PCDHA2: variants seen among roughly 807,000 people sequenced by gnomAD.
The protein encoded by PCDHA2 is protocadherin alpha-2.
PCDHA2 carries 58 observed loss-of-function variants against 66.0 expected under a neutral mutation model. The ratio of observed to expected loss-of-function variants is 0.88; its 90% confidence interval spans 0.71 to 1.09. The LOEUF is 1.09. Among genes scored for constraint, PCDHA2 ranks in the 50% least tolerant of loss-of-function variants. PCDHA2 has a pLI of 0.00. For synonymous variants in PCDHA2, 634 were observed against 554.0 expected (o/e 1.14, Z -2.03); for missense variants, 1,267 against 1,242.3 (o/e 1.02, Z -0.30).
At chr5:140,840,754 G>A (rs1776856171) in intron 1 of PCDHA2, among the ~76,000 whole-genome samples, 1 of 152,010 alleles carries the variant, frequency 6.6e-6, no homozygotes. Flanking sequence ...AAGAACACAA[G>A]AAGATAAAAT....
chr5:140,820,704 A>T (rs2150107710), intron 1 of PCDHA2, among the ~76,000 whole-genome samples: 1 of 152,108 alleles, frequency 6.6e-6, no homozygotes, highest in African/African-American at 2.4e-5. Context: ...TCTTTTCAAC[A>T]TGATTATATT....
rs1554146072 is a variant in PCDHA2 at position 140,852,730 on chromosome 5, T to G, written c.2388+55378T>G. On this transcript the variant is annotated intron_variant, in intron 1 of 3. Coordinates refer to ENST00000526136, the MANE Select transcript of PCDHA2 (RefSeq NM_018905.3). ...TTTGTCTTTGCACGTTTTTCAAGTT[T>G]CATGTGCCATTTAAACTTGGACCCA... 29 of 983,856 alleles carry G rather than the reference T, an allele frequency of 2.9e-5. 3 individuals carry two copies. The highest frequency in any genetic ancestry group is 3.6e-5 in the Non-Finnish European group (29 of 816,252). The allele number at this position is 983,856 out of a possible 1,614,324, so 60.9% of individuals were successfully genotyped here.
In PCDHA2 at chr5:140,937,639, A is replaced by G. The variant is rs140444916; in HGVS notation, c.2389-41310A>G. On this transcript the variant is annotated intron_variant, in intron 1 of 3. Transcript: ENST00000526136. ...CTAAAAAGAAAAAGAAAGGCAGGGC[A>G]TGGTGGCTCACGCCTGTAATCCCAG... is the stretch of plus-strand genomic sequence containing the variant. 9.3e-5 allele frequency among the ~76,000 whole-genome samples: 14 copies of G among 151,094 alleles called. No individual in the cohort carries two copies. In the East Asian group the frequency reaches 1.8e-3, roughly 20 times the overall value.
intron 1 of PCDHA2, chr5:140,856,811 G>A: frequency 3.8e-6 from 6 of 1,594,886 alleles, no homozygotes; most frequent in Non-Finnish European, 5.2e-6. Flanking sequence ...TGAAAATCAA[G>A]TGAACCAAAC....
intron 1 of PCDHA2, chr5:140,967,369 G>A (rs147557274): frequency 2.4e-5 from 38 of 1,607,564 alleles, no homozygotes; most frequent in Non-Finnish European, 2.9e-5. Context: ...AGCCCCTGCA[G>A]GAGAACAGTA....
chr5:140,916,090 G>A (rs1464191226), intron 1 of PCDHA2, among the ~76,000 whole-genome samples: 1 of 152,160 alleles, frequency 6.6e-6, no homozygotes, highest in African/African-American at 2.4e-5. Context: ...TGGTCCACAG[G>A]GAATCTGCCT....
rs1030293372 is a variant in PCDHA2 at position 140,856,468 on chromosome 5, A to C, written c.2388+59116A>C. ...TCTCCGTAACAGAACAAAAGCTCTC[A>C]ATACCTGAATCCAGACTGCTTGACT... On this transcript the variant is annotated intron_variant, in intron 1 of 3. Transcript: ENST00000526136. 2.2e-5 allele frequency: 35 copies of C among 1,597,788 alleles called. 3 individuals are homozygous for C. The East Asian group carries it at 7.4e-4, about 34-fold the overall frequency.
chr5:140,950,738 T>C (rs900517873), intron 1 of PCDHA2, among the ~76,000 whole-genome samples: 5 of 152,150 alleles, frequency 3.3e-5, no homozygotes, highest in African/African-American at 7.2e-5. Flanking sequence ...TTAATCCTAA[T>C]TTCTCTCTAT....
chr5:140,965,855 T>G (rs961780781), intron 1 of PCDHA2, among the ~76,000 whole-genome samples: 1 of 152,226 alleles, frequency 6.6e-6, no homozygotes, highest in African/African-American at 2.4e-5. Context: ...AGGCACACAC[T>G]GAAAATAAGG....
intron 1 of PCDHA2, chr5:140,861,780 G>A (rs2047084073): frequency 1.2e-5 from 2 of 161,142 alleles, no homozygotes; most frequent in African/African-American, 2.4e-5. Flanking sequence ...CCAAGAGCAG[G>A]TAAAACCACT....
intron 1 of PCDHA2, among the ~76,000 whole-genome samples, chr5:140,900,093 C>T (rs559553399): frequency 1.6e-4 from 24 of 152,202 alleles, no homozygotes; most frequent in Middle Eastern, 3.4e-3. Flanking sequence ...TACAAGCATG[C>T]GCCACCATAC....
At chr5:140,803,134 G>C (rs782496418) in intron 1 of PCDHA2, 1 of 1,613,684 alleles carries the variant, frequency 6.2e-7, no homozygotes, top group Non-Finnish European at 8.5e-7. Flanking sequence ...CCGCGCCATC[G>C]CCTACTGGTG....
intron 3 of PCDHA2, among the ~76,000 whole-genome samples, chr5:141,005,559 G>A (rs980622255): frequency 6.6e-6 from 1 of 151,190 alleles, no homozygotes; most frequent in Admixed American, 6.6e-5. Flanking sequence ...AAAATTAGCC[G>A]GGCATGGTGG....
intron 1 of PCDHA2, chr5:140,871,068 G>GC (rs782196824): frequency 1.2e-6 from 2 of 1,613,112 alleles, no homozygotes; most frequent in African/African-American, 2.7e-5. Flanking sequence ...ATCACGGTGA[G>GC]CCGGCGCTGA....
chr5:140,857,086 A>G, intron 1 of PCDHA2: 1 of 1,596,918 alleles, frequency 6.3e-7, no homozygotes, highest in South Asian at 1.1e-5. Context: ...ATGATAATTC[A>G]CCTGAGGTGA....
At chr5:140,863,765 G>A (rs1385785601) in intron 1 of PCDHA2, 4 of 242,444 alleles carry the variant, frequency 1.6e-5, no homozygotes, top group African/African-American at 4.5e-5. Flanking sequence ...TTGGGAAGCC[G>A]AGGCGGGCGG....
At chr5:140,849,904 C>A in intron 1 of PCDHA2, 1 of 1,598,318 alleles carries the variant, frequency 6.3e-7, no homozygotes, top group Non-Finnish European at 8.6e-7. Context: ...AACAACCCGC[C>A]GGGCTGCCAC....
intron 1 of PCDHA2, among the ~76,000 whole-genome samples, chr5:140,902,516 G>C (rs1410717975): frequency 6.6e-6 from 1 of 151,990 alleles, no homozygotes; most frequent in Non-Finnish European, 1.5e-5. Context: ...GTCATATATG[G>C]TTTTTATTAT....
chr5:140,802,039 T>C, intron 1 of PCDHA2: 4 of 1,614,190 alleles, frequency 2.5e-6, no homozygotes, highest in Non-Finnish European at 2.5e-6. Flanking sequence ...GCGTATTCTT[T>C]CAATACGGAC....
Sources: allele counts gnomAD v4.1 joint callset (sites outside exome capture counted in the v4.1 genomes callset), GRCh38; gene constraint gnomAD v4.1.1; transcripts MANE v1.5; gene names NCBI Gene and HGNC (gene_info 2026-07-23, HGNC 2026-07-21).